FSTL5: variants seen among roughly 807,000 people sequenced by gnomAD.
FSTL5 encodes the protein follistatin-related protein 5.
A neutral mutation model predicts 89.1 loss-of-function variants in FSTL5; 62 were observed. The ratio of observed to expected loss-of-function variants is 0.70; its 90% confidence interval spans 0.57 to 0.86. The LOEUF is 0.86. Ranked by LOEUF, FSTL5 falls within the 40% of genes least tolerant of loss-of-function variation. The pLI is 0.00. For synonymous variants in FSTL5, 383 were observed against 346.2 expected (o/e 1.11, Z -1.18); for missense variants, 1,057 against 1,001.6 (o/e 1.06, Z -0.75).
At chr4:161,983,024 TATC>T (rs1180900322) in intron 3 of FSTL5, among the ~76,000 whole-genome samples, 1 of 152,170 alleles carries the variant, frequency 6.6e-6, no homozygotes, top group Non-Finnish European at 1.5e-5. Context: ...AAAATGAAGT[TATC>T]ATTAGAGCAA....
intron 4 of FSTL5, among the ~76,000 whole-genome samples, chr4:161,885,888 G>A (rs543018791): frequency 6.6e-6 from 1 of 152,040 alleles, no homozygotes; most frequent in South Asian, 2.1e-4. Flanking sequence ...TAGACAACTG[G>A]CAAAACTGTG....
intron 6 of FSTL5, among the ~76,000 whole-genome samples, chr4:161,688,252 T>C (rs1163907663): frequency 1.3e-5 from 2 of 152,084 alleles, no homozygotes; most frequent in African/African-American, 4.8e-5. Context: ...CCAGCTAATA[T>C]ATTTAATTTT....
chr4:161,650,755 T>G (rs1736310070), intron 7 of FSTL5, among the ~76,000 whole-genome samples: 1 of 152,140 alleles, frequency 6.6e-6, no homozygotes, highest in Non-Finnish European at 1.5e-5. Flanking sequence ...AAAATTGAAA[T>G]CTAGTTTAAT....
chr4:161,999,690 T>A (rs1016695621), intron 3 of FSTL5, among the ~76,000 whole-genome samples: 3 of 152,188 alleles, frequency 2.0e-5, no homozygotes, highest in Non-Finnish European at 4.4e-5. Flanking sequence ...TGATAGCCAA[T>A]AAATTTCATT....
chr4:161,691,861 T>C (rs1737954436), intron 6 of FSTL5, among the ~76,000 whole-genome samples: 1 of 152,158 alleles, frequency 6.6e-6, no homozygotes, highest in African/African-American at 2.4e-5. Context: ...TGTGTGTTGA[T>C]CTTTTATCCT....
At chr4:161,536,356 C>T (rs373761521) in intron 10 of FSTL5, among the ~76,000 whole-genome samples, 1 of 152,090 alleles carries the variant, frequency 6.6e-6, no homozygotes. Flanking sequence ...TAGAAAAGAA[C>T]CCAGATCCAC....
chr4:161,727,169 C>T (rs1330967168), intron 6 of FSTL5, among the ~76,000 whole-genome samples: 1 of 152,038 alleles, frequency 6.6e-6, no homozygotes, highest in African/African-American at 2.4e-5. Flanking sequence ...GAACATTTAC[C>T]CAGGTGAAGA....
intron 4 of FSTL5, among the ~76,000 whole-genome samples, chr4:161,900,265 A>AAAAGACACC (rs1388751578): frequency 6.6e-6 from 1 of 152,138 alleles, no homozygotes; most frequent in Non-Finnish European, 1.5e-5. Flanking sequence ...TGCTGGAGAC[A>AAAAGACACC]AAAGACACCA....
At chr4:161,691,124 T>C (rs533572430) in intron 6 of FSTL5, among the ~76,000 whole-genome samples, 1 of 152,256 alleles carries the variant, frequency 6.6e-6, no homozygotes, top group East Asian at 1.9e-4. Flanking sequence ...CATTGTGAAA[T>C]TTAAGGTCAG....
At chr4:161,436,860 G>A (rs1359847673) in intron 15 of FSTL5, among the ~76,000 whole-genome samples, 1 of 152,134 alleles carries the variant, frequency 6.6e-6, no homozygotes, top group Non-Finnish European at 1.5e-5. Context: ...GCAGGGGAAA[G>A]TTTTCAAAGA....
At position 162,003,779 on chromosome 4, in the gene FSTL5, G is replaced by T. The variant is rs141745622; in HGVS notation, c.160+29846C>A. ...AACTATTGAATGCAATGATATATGT[G>T]CAAGTTATGTATTTTATTCACTTAA... On this transcript the variant is annotated intron_variant, in intron 3 of 15. Coordinates refer to ENST00000306100, the MANE Select transcript of FSTL5 (RefSeq NM_020116.5). 2.6e-5 allele frequency among the ~76,000 whole-genome samples: 4 copies of T among 152,258 alleles called. No homozygotes were observed. The East Asian group carries it at 7.7e-4, about 29-fold the overall frequency.
At chr4:161,765,085 T>C (rs1364558460) in intron 5 of FSTL5, among the ~76,000 whole-genome samples, 2 of 152,212 alleles carry the variant, frequency 1.3e-5, no homozygotes, top group Non-Finnish European at 2.9e-5. Flanking sequence ...TTGCCAACAC[T>C]ACTAAGATCC....
At chr4:161,460,240 T>A (rs549655477) in intron 13 of FSTL5, among the ~76,000 whole-genome samples, 108 of 151,924 alleles carry the variant, frequency 7.1e-4, no homozygotes, top group African/African-American at 2.5e-3. Flanking sequence ...TCTTTTCTTT[T>A]TTATTATTAT....
At chr4:161,766,910 TGATAGATAGATAGATAGATA>T (rs34991915) in intron 5 of FSTL5, among the ~76,000 whole-genome samples, 2 of 106,748 alleles carry the variant, frequency 1.9e-5, no homozygotes, top group Non-Finnish European at 3.5e-5. Flanking sequence ...ATAGATCGAT[TGATAGATAGATAGATAGATA>T]GATAGATAGA....
At chr4:161,422,116 C>T (rs1394964750) in intron 15 of FSTL5, among the ~76,000 whole-genome samples, 1 of 151,360 alleles carries the variant, frequency 6.6e-6, no homozygotes, top group African/African-American at 2.4e-5. Context: ...TTATATAGGT[C>T]ATAATATATA....
intron 10 of FSTL5, among the ~76,000 whole-genome samples, chr4:161,520,302 A>C (rs1730978124): frequency 6.6e-6 from 1 of 151,640 alleles, no homozygotes; most frequent in African/African-American, 2.4e-5. Flanking sequence ...TCACTGTTTA[A>C]TATTTAAGTG....
intron 1 of FSTL5, among the ~76,000 whole-genome samples, chr4:162,143,748 A>ACACC (rs1363446909): frequency 4.7e-5 from 6 of 127,680 alleles, no homozygotes; most frequent in African/African-American, 2.0e-4. Flanking sequence ...ACACACACAC[A>ACACC]CCCAGGAAAA....
chr4:161,413,617 G>A (rs1001365850), intron 15 of FSTL5, among the ~76,000 whole-genome samples: 4 of 152,004 alleles, frequency 2.6e-5, no homozygotes, highest in African/African-American at 9.7e-5. Context: ...AAAAAGACAT[G>A]AACTCATATG....
intron 6 of FSTL5, among the ~76,000 whole-genome samples, chr4:161,679,815 T>A (rs1737455194): frequency 6.6e-6 from 1 of 151,816 alleles, no homozygotes; most frequent in Admixed American, 6.6e-5. Context: ...CTCACGTGTG[T>A]AATCAATTTT....
Sources: allele counts gnomAD v4.1 joint callset (sites outside exome capture counted in the v4.1 genomes callset), GRCh38; gene constraint gnomAD v4.1.1; transcripts MANE v1.5; gene names NCBI Gene and HGNC (gene_info 2026-07-23, HGNC 2026-07-21).